Variants in MOV10 observed in about 807,000 individuals in gnomAD.
MOV10 encodes the protein RNA helicase MOV-10.
A neutral mutation model predicts 108.4 loss-of-function variants in MOV10; 39 were observed. That is an observed-to-expected ratio of 0.36 (90% CI 0.28 to 0.47). The LOEUF is 0.47. MOV10 is among the 20% of genes least tolerant of loss of function. The pLI, the probability that MOV10 is intolerant of heterozygous loss-of-function variation, is 1.00. For synonymous variants in MOV10, 490 were observed against 523.1 expected (o/e 0.94, Z 0.86); for missense variants, 952 against 1,297.6 (o/e 0.73, Z 4.09).
At chr1:112,683,032 G>A (rs376168238) in intron 2 of MOV10, among the ~76,000 whole-genome samples, 1 of 149,398 alleles carries the variant, frequency 6.7e-6, no homozygotes, top group Admixed American at 6.8e-5. Flanking sequence ...CAATTCTCCC[G>A]CCTCAGCCTC....
chr1:112,688,782 CCTG>C, intron 2 of MOV10, 150 bp from the exon 3 acceptor site: 1 of 1,471,508 alleles, frequency 6.8e-7, no homozygotes, highest in South Asian at 1.4e-5. Context: ...CGATCCCCAG[CCTG>C]AGTCTCTCTG....
chr1:112,682,576 G>T (rs1159004530), intron 2 of MOV10, among the ~76,000 whole-genome samples: 1 of 152,208 alleles, frequency 6.6e-6, no homozygotes. Flanking sequence ...GCAAACGCCT[G>T]TTGAGGTACA....
At position 112,694,807 on chromosome 1, in the gene MOV10, G is replaced by A. The variant is rs760699545; in HGVS notation, c.1531G>A (p.Val511Ile). 3 of 1,614,038 alleles carry A rather than the reference G, an allele frequency of 1.9e-6. No individual in the cohort carries two copies. The highest frequency in any genetic ancestry group is 2.7e-5 in the African/African-American group (2 of 74,902). The change falls in exon 10 of 21, where the codon GTT becomes ATT. Residue 511 changes from valine (V) to isoleucine (I), a missense_variant. Val to Ile is a conservative substitution (Grantham distance 29). Transcript: ENST00000369645. This position sits in a 1 kb window ranked among gnomAD's most constrained non-coding sequence, Gnocchi z 4.1. ...PEQLQAMRHI[V>I]TGTTRPAPYI... Reference sequence around the variant, plus strand: ...GCAGCTGCAGGCCATGAGGCACATTGTTACGGGCACCACCCGTCCAGCCCC... The same window carrying A: ...GCAGCTGCAGGCCATGAGGCACATTATTACGGGCACCACCCGTCCAGCCCC...
chr1:112,694,255 T>A lies in MOV10; in HGVS notation c.1295+83T>A. On this transcript the variant is annotated intron_variant, in intron 8 of 20. Coordinates refer to ENST00000369645, the MANE Select transcript of MOV10 (RefSeq NM_001321324.2). This position sits in a 1 kb window ranked among gnomAD's most constrained non-coding sequence, Gnocchi z 4.1. Reference sequence around the variant, plus strand: ...GGAGGAGGAGTGTTTCTCCCTGAGATAAATGAGACCCCGGGGCAGAGCAGG... The same window carrying A: ...GGAGGAGGAGTGTTTCTCCCTGAGAAAAATGAGACCCCGGGGCAGAGCAGG... 2 of 1,548,260 alleles carry A rather than the reference T, an allele frequency of 1.3e-6. No individual in the cohort carries two copies. Among genetic ancestry groups the A allele is most frequent in the Non-Finnish European group, 1.8e-6 (2 of 1,124,742 alleles).
In MOV10 at chr1:112,691,653, T is replaced by C. The variant is rs1238407746; in HGVS notation, c.837-12T>C. The C allele has an allele frequency of 1.2e-6, 2 of 1,611,270 alleles. No homozygotes were observed. The highest frequency in any genetic ancestry group is 1.7e-6 in the Non-Finnish European group (2 of 1,177,994). On this transcript the variant is annotated splice_polypyrimidine_tract_variant and intron_variant, in intron 5 of 20. Transcript: ENST00000369645. Reference sequence around the variant, plus strand: ...GAGGGGTTTTCTGTGTTTTCTTCCCTCGATTCTGCAGCGCTAAGGGCTATG... The same window carrying C: ...GAGGGGTTTTCTGTGTTTTCTTCCCCCGATTCTGCAGCGCTAAGGGCTATG...
At chr1:112,681,508 T>C (rs995991190) in intron 2 of MOV10, among the ~76,000 whole-genome samples, 2 of 151,956 alleles carry the variant, frequency 1.3e-5, no homozygotes, top group Non-Finnish European at 2.9e-5. Flanking sequence ...ATCATGTTAT[T>C]CACATCATCC....
chr1:112,674,909 C>T lies in MOV10; in HGVS notation c.-4C>T, dbSNP rs375549836. On this transcript the variant is annotated 5_prime_UTR_variant, in exon 2 of 21. Coordinates refer to ENST00000369645, the MANE Select transcript of MOV10 (RefSeq NM_001321324.2). ...CTCCTGCCTGGGCCGCAGCCGCCGC[C>T]GCGATGCCCAGTAAGTTCAGCTGCC... 6.4e-7 allele frequency: 1 copy of T among 1,561,430 alleles called. No individual in the cohort carries two copies. Among genetic ancestry groups the T allele is most frequent in the Non-Finnish European group, 8.6e-7 (1 of 1,158,004 alleles).
intron 5 of MOV10, among the ~76,000 whole-genome samples, chr1:112,690,518 C>T (rs1009721133): frequency 6.6e-6 from 1 of 152,076 alleles, no homozygotes; most frequent in Non-Finnish European, 1.5e-5. Flanking sequence ...CACTACAACA[C>T]CCGGCTAATT....
At position 112,689,876 on chromosome 1, in the gene MOV10, G is replaced by C; in HGVS notation, c.614G>C (p.Ser205Thr). The change falls in exon 5 of 21, where the codon AGC becomes ACC. Residue 205 changes from serine (S) to threonine (T), a missense_variant. Ser to Thr is a moderately conservative substitution (Grantham distance 58). This residue lies in a region of MOV10 where 374 missense variants were observed against 468.6 expected (regional missense o/e 0.80). Transcript: ENST00000369645. Reference protein sequence around the residue: ...CYELHVHCKTSFVGYFPATVL... With the variant: ...CYELHVHCKTTFVGYFPATVL... ...GAACTCCATGTCCATTGTAAGACCAGCTTTGTGGGCTACTTCCCAGCCACA... is the reference window on the plus strand; with the variant it reads ...GAACTCCATGTCCATTGTAAGACCACCTTTGTGGGCTACTTCCCAGCCACA... 2 of 1,614,198 alleles carry C rather than the reference G, an allele frequency of 1.2e-6. No homozygotes were observed. Among genetic ancestry groups the C allele is most frequent in the Non-Finnish European group, 1.7e-6 (2 of 1,180,042 alleles).
rs777811007 is a variant in MOV10, at chr1:112,700,408, C to T, written c.2921-8C>T. ...AAGGAAGACACAGTGTACTTTCTCT[C>T]TTTCCAGGGCCCCACAGCCATGACT... On this transcript the variant is annotated splice_polypyrimidine_tract_variant and splice_region_variant and intron_variant, in intron 20 of 20. Coordinates refer to ENST00000369645, the MANE Select transcript of MOV10 (RefSeq NM_001321324.2). 1.1e-5 allele frequency: 17 copies of T among 1,613,250 alleles called. No individual in the cohort carries two copies. The highest frequency in any genetic ancestry group is 2.7e-5 in the African/African-American group (2 of 74,906).
rs867436323 is a variant in MOV10 at position 112,689,996 on chromosome 1, C to T, written c.734C>T (p.Pro245Leu). The T allele has an allele frequency of 1.2e-6, 2 of 1,614,168 alleles. No homozygotes were observed. The highest frequency in any genetic ancestry group is 1.7e-6 in the Non-Finnish European group (2 of 1,180,052). Reference protein sequence around the residue: ...ARFLAAVAHSPLAAQLKPMTP... With the variant: ...ARFLAAVAHSLLAAQLKPMTP... ...TTCTTGGCTGCCGTCGCCCACAGCC[C>T]CCTGGCTGCACAGCTGAAGCCCATG... Residue 245 changes from proline to leucine, a missense_variant, in exon 5 of 21, where the codon CCC becomes CTC. Pro to Leu is a moderately conservative substitution (Grantham distance 98). Around this residue, in one of 5 missense-constraint regions of MOV10, gnomAD observed 374 missense variants for 468.6 expected, o/e 0.80. Transcript: ENST00000369645.
chr1:112,692,689 C>G (rs1254782721), intron 6 of MOV10, 72 bp from the exon 7 acceptor site: 1 of 1,575,104 alleles, frequency 6.3e-7, no homozygotes, highest in Non-Finnish European at 8.6e-7. Flanking sequence ...AAGGTGGATA[C>G]TCCTGGGCAT....
rs1199274832 is a variant in MOV10 at position 112,675,090 on chromosome 1, G to T, written c.137+41G>T. 7 of 1,568,296 alleles carry T rather than the reference G, an allele frequency of 4.5e-6. No homozygotes were observed. Among genetic ancestry groups the T allele is most frequent in the Middle Eastern group, 1.7e-4 (1 of 5,926 alleles). On this transcript the variant is annotated intron_variant, in intron 2 of 20. Coordinates refer to ENST00000369645, the MANE Select transcript of MOV10 (RefSeq NM_001321324.2). This position sits in a 1 kb window ranked among gnomAD's most constrained non-coding sequence, Gnocchi z 4.7. Reference sequence around the variant, plus strand: ...CTCCCGGCCCCGAATCGCGGGCCCAGCTTGCTGCCACGACCCCCGCGCGAG... The same window carrying T: ...CTCCCGGCCCCGAATCGCGGGCCCATCTTGCTGCCACGACCCCCGCGCGAG...
intron 2 of MOV10, among the ~76,000 whole-genome samples, chr1:112,685,681 T>TAAAAG (rs1302753427): frequency 6.6e-6 from 1 of 150,676 alleles, no homozygotes; most frequent in Non-Finnish European, 1.5e-5. Flanking sequence ...TAAAATAAAA[T>TAAAAG]AAAATATAAA....
chr1:112,678,851 G>A (rs1345256138), intron 2 of MOV10, among the ~76,000 whole-genome samples: 5 of 152,164 alleles, frequency 3.3e-5, no homozygotes, highest in Middle Eastern at 3.4e-3. Flanking sequence ...GGCTTCTGGC[G>A]TGGAGAGTGG....
At chr1:112,685,501 A>T (rs1673000714) in intron 2 of MOV10, among the ~76,000 whole-genome samples, 1 of 151,806 alleles carries the variant, frequency 6.6e-6, no homozygotes, top group South Asian at 2.1e-4. Flanking sequence ...CTAAAAATAG[A>T]AAAATTAGCT....
At position 112,689,877 on chromosome 1, in the gene MOV10, C is replaced by T. The variant is rs1427757176; in HGVS notation, c.615C>T (p.Ser205=). The T allele has an allele frequency of 4.3e-6, 7 of 1,614,188 alleles. No homozygotes were observed. The highest frequency in any genetic ancestry group is 5.1e-6 in the Non-Finnish European group (6 of 1,180,036). The change falls in exon 5 of 21, where the codon AGC becomes AGT. Residue 205 remains serine, a synonymous_variant. Coordinates refer to ENST00000369645, the MANE Select transcript of MOV10 (RefSeq NM_001321324.2). ...AACTCCATGTCCATTGTAAGACCAG[C>T]TTTGTGGGCTACTTCCCAGCCACAG... is the stretch of plus-strand genomic sequence containing the variant. ...CYELHVHCKT[S]FVGYFPATVL...
chr1:112,696,463 A>G lies in MOV10; in HGVS notation c.1910A>G (p.Asp637Gly), dbSNP rs750149774. Reference sequence around the variant, plus strand: ...TTGGTCTCGGCCCAGTTTCCCATTGATCACTTCACACACATCTTCATCGAT... The same window carrying G: ...TTGGTCTCGGCCCAGTTTCCCATTGGTCACTTCACACACATCTTCATCGAT... ...GRLVSAQFPI[D>G]HFTHIFIDEA... is the part of the protein sequence containing the mutation. The change falls in exon 13 of 21, where the codon GAT (aspartate) becomes GGT (glycine). Residue 637 changes from aspartate (D) to glycine (G), a missense_variant. By Grantham distance (94) the Asp-to-Gly change is moderately conservative. Coordinates refer to ENST00000369645, the MANE Select transcript of MOV10 (RefSeq NM_001321324.2). 15 of 1,613,956 alleles carry G rather than the reference A, an allele frequency of 9.3e-6. No individual in the cohort carries two copies. Among genetic ancestry groups the G allele is most frequent in the Non-Finnish European group, 1.3e-5 (15 of 1,180,006 alleles).
intron 7 of MOV10, 81 bp downstream of exon 7, chr1:112,693,010 C>A: frequency 7.5e-7 from 1 of 1,339,722 alleles, no homozygotes; most frequent in Non-Finnish European, 1.0e-6. Context: ...TTCCTGACAG[C>A]AGGGCAGAAC....
Sources: allele counts gnomAD v4.1 joint callset (sites outside exome capture counted in the v4.1 genomes callset), GRCh38; gene constraint gnomAD v4.1.1; regional missense constraint gnomAD v4.1.1; non-coding constraint Gnocchi (gnomAD v3.1); transcripts MANE v1.5; gene names NCBI Gene and HGNC (gene_info 2026-07-23, HGNC 2026-07-21).